Variants in TYW1 observed in about 807,000 individuals in gnomAD.
TYW1 encodes tRNA-yW synthesizing protein 1 homolog, also known as S-adenosyl-L-methionine-dependent tRNA 4-demethylwyosine synthase TYW1.
A neutral mutation model predicts 96.2 loss-of-function variants in TYW1; 46 were observed. That is an observed-to-expected ratio of 0.48 (90% CI 0.38 to 0.61). TYW1 has a LOEUF of 0.61. Ranked by LOEUF, TYW1 falls within the 20% of genes least tolerant of loss-of-function variation. The probability of loss-of-function intolerance (pLI) is 0.00; values close to 1 mark genes in which losing one functional copy is unlikely to be tolerated. For synonymous variants in TYW1, 274 were observed against 323.0 expected, an observed-to-expected ratio of 0.85 and a Z score of 1.63; for missense variants, 684 against 909.6, an observed-to-expected ratio of 0.75 and a Z score of 3.19.
chr7:67,205,415 G>A (rs962514190), intron 15 of TYW1, among the ~76,000 whole-genome samples: 1 of 151,790 alleles, frequency 6.6e-6, no homozygotes, highest in African/African-American at 2.4e-5. Context: ...CTGCTGGGTG[G>A]TGGCAGAAGT....
In TYW1 at chr7:67,112,381, C is replaced by T. The variant is rs151189091; in HGVS notation, c.1563-5102C>T. On this transcript the variant is annotated intron_variant, in intron 12 of 15. Coordinates refer to ENST00000359626, the MANE Select transcript of TYW1 (RefSeq NM_018264.4). ...CTGTAATCCCAGTACTTTCGGAGGCCGAGGCAGGCAGATCACCTGAGGCCA... is the reference window on the plus strand; with the variant it reads ...CTGTAATCCCAGTACTTTCGGAGGCTGAGGCAGGCAGATCACCTGAGGCCA... Among the ~76,000 whole-genome samples the T allele has an allele frequency of 2.8e-4, 42 of 152,022 alleles. 1 individual carries two copies. The East Asian group carries it at 8.0e-3, about 29-fold the overall frequency.
chr7:67,229,270 G>C (rs1490109233), intron 15 of TYW1, among the ~76,000 whole-genome samples: 8 of 152,178 alleles, frequency 5.3e-5, no homozygotes, highest in Non-Finnish European at 1.5e-5. Context: ...GGGTGCGGTG[G>C]CTCATGCCTG....
chr7:67,024,557 G>C (rs1460809091), intron 6 of TYW1, among the ~76,000 whole-genome samples: 1 of 151,850 alleles, frequency 6.6e-6, no homozygotes, highest in Non-Finnish European at 1.5e-5. Context: ...GAGGTGGGTG[G>C]ATTACCTGAG....
chr7:67,207,266 T>C (rs1245764964), intron 15 of TYW1, among the ~76,000 whole-genome samples: 1 of 152,184 alleles, frequency 6.6e-6, no homozygotes, highest in African/African-American at 2.4e-5. Context: ...GCTTAGTGGA[T>C]CAATAGCCCC....
Position 67,145,256 on chromosome 7 carries a change from C to A in TYW1, c.1698+27638C>A, listed in dbSNP as rs546407974. On this transcript the variant is annotated intron_variant, in intron 13 of 15. Transcript: ENST00000359626. ...CTCTGCCTCCCAGGTTCATGCCATT[C>A]TCCTGCCTCAGCCTCCCGTGTAGCT... 4.0e-5 allele frequency among the ~76,000 whole-genome samples: 6 copies of A among 148,902 alleles called. No individual in the cohort carries two copies. The South Asian group carries it at 1.3e-3, about 32-fold the overall frequency.
intron 13 of TYW1, among the ~76,000 whole-genome samples, chr7:67,149,859 C>G (rs979538072): frequency 2.0e-5 from 3 of 151,852 alleles, no homozygotes; most frequent in Non-Finnish European, 4.4e-5. Context: ...GTGGGGAGAC[C>G]CCGACCTGGT....
At position 67,085,971 on chromosome 7, in the gene TYW1, C is replaced by CA. The variant is rs111345310; in HGVS notation, c.1384+2445dup. 2.0e-3 allele frequency among the ~76,000 whole-genome samples: 268 copies of CA among 135,394 alleles called. 4 individuals carry two copies. The highest frequency in any genetic ancestry group is 7.1e-3 in the South Asian group (31 of 4,350). The allele number at this position is 135,394 out of a possible 152,430, so 88.8% of individuals were successfully genotyped here. On this transcript the variant is annotated intron_variant, in intron 11 of 15. Transcript: ENST00000359626. ...TGGGTGACAAAGTGAGACTCCATCT[C>CA]AAAAAAAAAAAAATTAGTCAATAAT...
At chr7:66,997,120 G>A (rs1319666286) in intron 1 of TYW1, 138 bp downstream of exon 1, 3 of 1,509,702 alleles carry the variant, frequency 2.0e-6, no homozygotes, top group Non-Finnish European at 1.8e-6. Flanking sequence ...GCTAGTCGCC[G>A]CTGAGAGCAA....
chr7:67,078,248 A>T (rs1265755062), intron 10 of TYW1, among the ~76,000 whole-genome samples: 1 of 151,860 alleles, frequency 6.6e-6, no homozygotes, highest in African/African-American at 2.4e-5. Context: ...GGTGCCTGCC[A>T]CCACTCCTGG....
intron 14 of TYW1, among the ~76,000 whole-genome samples, chr7:67,193,961 C>T (rs1297651891): frequency 6.6e-6 from 1 of 151,858 alleles, no homozygotes; most frequent in African/African-American, 2.4e-5. Flanking sequence ...GGGATTTTCT[C>T]AACAAGTTGT....
At chr7:67,223,170 C>A (rs1310380248) in intron 15 of TYW1, among the ~76,000 whole-genome samples, 1 of 152,022 alleles carries the variant, frequency 6.6e-6, no homozygotes. Context: ...TGCCATCTAC[C>A]CTTTCTCAGG....
intron 14 of TYW1, among the ~76,000 whole-genome samples, chr7:67,193,537 T>A (rs542637735): frequency 9.2e-5 from 14 of 152,200 alleles, no homozygotes; most frequent in African/African-American, 3.4e-4. Flanking sequence ...GATGGGCAGA[T>A]CAATTGAGGT....
Position 67,205,039 on chromosome 7 carries a change from T to A in TYW1, c.1977+9702T>A, listed in dbSNP as rs188986778. Among the ~76,000 whole-genome samples the A allele has an allele frequency of 1.2e-4, 18 of 152,330 alleles. No homozygotes were observed. The East Asian group carries it at 1.3e-3, about 11-fold the overall frequency. The stretch of plus-strand genomic sequence containing the variant: ...TTCAAGTTGAGATTTTCCTGTTTCT[T>A]GGTATGATAAGTGATTTTCAGTTGT... On this transcript the variant is annotated intron_variant, in intron 15 of 15. Coordinates refer to ENST00000359626, the MANE Select transcript of TYW1 (RefSeq NM_018264.4).
chr7:67,050,108 A>T (rs768032001), intron 8 of TYW1, 42 bp downstream of exon 8: 1 of 1,604,584 alleles, frequency 6.2e-7, no homozygotes, highest in African/African-American at 1.3e-5. Flanking sequence ...CTGTAGTCTT[A>T]GGCATTCTCA....
chr7:67,112,631 A>C (rs1416737820), intron 12 of TYW1, among the ~76,000 whole-genome samples: 2 of 151,654 alleles, frequency 1.3e-5, no homozygotes, highest in Admixed American at 6.6e-5. Context: ...AAAAAAAAAA[A>C]GAAAACAAAA....
At chr7:67,103,046 A>G (rs746064163) in intron 12 of TYW1, among the ~76,000 whole-genome samples, 3 of 152,214 alleles carry the variant, frequency 2.0e-5, no homozygotes, top group Non-Finnish European at 4.4e-5. Flanking sequence ...TTTTTAGGGT[A>G]TGTCCTTCCC....
At chr7:67,155,362 G>T (rs1232198050) in intron 13 of TYW1, among the ~76,000 whole-genome samples, 3 of 152,024 alleles carry the variant, frequency 2.0e-5, no homozygotes, top group African/African-American at 7.2e-5. Context: ...AAAAGTGTGT[G>T]GCACCTTTCT....
chr7:67,024,096 G>A (rs1158846774), intron 6 of TYW1, among the ~76,000 whole-genome samples: 7 of 152,054 alleles, frequency 4.6e-5, no homozygotes, highest in African/African-American at 1.2e-4. Context: ...TCACTGTGAC[G>A]TGAGAGGGCA....
intron 13 of TYW1, among the ~76,000 whole-genome samples, chr7:67,129,030 A>T (rs373253510): frequency 2.6e-5 from 4 of 152,134 alleles, no homozygotes; most frequent in African/African-American, 9.7e-5. Flanking sequence ...CTGGACTGTG[A>T]ACTTCACAAA....
Sources: gnomAD v4.1 joint callset for allele counts (sites outside exome capture counted in the v4.1 genomes callset) on GRCh38, gnomAD v4.1.1 for gene constraint, MANE v1.5 for transcripts, NCBI Gene and HGNC (gene_info 2026-07-23, HGNC 2026-07-21) for gene names.